The following MYLK3 variants were observed in gnomAD, a reference collection of about 807,000 sequenced individuals.
MYLK3 encodes myosin light chain kinase 3, also known as MLC kinase.
MYLK3 carries 55 observed loss-of-function variants against 76.3 expected under a neutral mutation model. That is an observed-to-expected ratio of 0.72 (90% CI 0.58 to 0.90). The LOEUF (loss-of-function observed/expected upper bound fraction) is 0.90, where lower values mean the gene tolerates loss of function less well. Among genes scored for constraint, MYLK3 ranks in the 40% least tolerant of loss-of-function variants. The pLI is 0.00. For missense variants in MYLK3, 973 were observed against 1,053.6 expected, an observed-to-expected ratio of 0.92 and a Z score of 1.06; for synonymous variants, 416 against 425.4, an observed-to-expected ratio of 0.98 and a Z score of 0.27.
Position 46,737,853 on chromosome 16 carries a change from C to T in MYLK3, c.859G>A (p.Gly287Arg), listed in dbSNP as rs773638541. Residue 287 changes from glycine to arginine, a missense_variant, in exon 3 of 13, where the codon GGA becomes AGA. Gly to Arg is a moderately radical substitution (Grantham distance 125). Coordinates refer to ENST00000394809, the MANE Select transcript of MYLK3 (RefSeq NM_182493.3). ...GGGTCAGGCCTGCTGGACGATGCTC[C>T]TTGTCCTGCACCTGGTGCAACCTCC... Reference protein sequence around the residue: ...SLEVAPGAGQGASSSRPDPEP... With the variant: ...SLEVAPGAGQRASSSRPDPEP... 1.5e-5 allele frequency: 25 copies of T among 1,614,064 alleles called. No homozygotes were observed. Among genetic ancestry groups the T allele is most frequent in the East Asian group, 2.2e-5 (1 of 44,880 alleles).
chr16:46,757,819 G>C (rs1435192088), intron 1 of MYLK3, among the ~76,000 whole-genome samples: 1 of 152,212 alleles, frequency 6.6e-6, no homozygotes, highest in Non-Finnish European at 1.5e-5. Flanking sequence ...CAAGGAGGGA[G>C]GAATGAAGGG....
chr16:46,763,029 C>A, intron 1 of MYLK3: 10 of 985,492 alleles, frequency 1.0e-5, no homozygotes, highest in Non-Finnish European at 1.2e-5. Flanking sequence ...TTTATCACTG[C>A]ACTTACATAC....
chr16:46,718,648 T>C (rs963818323), intron 9 of MYLK3, among the ~76,000 whole-genome samples: 1 of 152,122 alleles, frequency 6.6e-6, no homozygotes, highest in Admixed American at 6.5e-5. Context: ...GGCCATGAAA[T>C]AACAAAACTA....
chr16:46,732,141 C>A, intron 4 of MYLK3, 67 bp downstream of exon 4: 1 of 1,377,236 alleles, frequency 7.3e-7, no homozygotes, highest in South Asian at 1.4e-5. Context: ...GAAGACTCCC[C>A]AGGAGTAGGG....
intron 9 of MYLK3, among the ~76,000 whole-genome samples, chr16:46,715,793 C>T (rs1966731637): frequency 2.0e-5 from 3 of 152,132 alleles, no homozygotes; most frequent in Admixed American, 2.0e-4. Flanking sequence ...GAGCCATGTC[C>T]CTGCTGAAAA....
At chr16:46,712,180 C>T (rs1222207801) in intron 10 of MYLK3, among the ~76,000 whole-genome samples, 3 of 151,728 alleles carry the variant, frequency 2.0e-5, no homozygotes, top group Non-Finnish European at 2.9e-5. Flanking sequence ...TTGGTAGAGA[C>T]AGGGTCTCCC....
chr16:46,741,456 T>C (rs1966929120), intron 1 of MYLK3, among the ~76,000 whole-genome samples: 1 of 152,216 alleles, frequency 6.6e-6, no homozygotes, highest in Non-Finnish European at 1.5e-5. Context: ...CAAGCAAATA[T>C]TTCCAGATGG....
In MYLK3 at chr16:46,705,851, G is replaced by C. The variant is rs1966618782; in HGVS notation, c.*1853C>G. 1 of 151,860 alleles carries C rather than the reference G, an allele frequency of 6.6e-6. No individual in the cohort carries two copies. The highest frequency in any genetic ancestry group is 1.5e-5 in the Non-Finnish European group (1 of 68,048). The allele number at this position is 151,860 out of a possible 1,614,324, so 9.4% of individuals were successfully genotyped here. On this transcript the variant is annotated 3_prime_UTR_variant, in exon 13 of 13. Transcript: ENST00000394809. The stretch of plus-strand genomic sequence containing the variant: ...AAAATACAAAAATTAGCTGGGTGTA[G>C]TAGCGGGCACCTATGGTCCCAGGTA...
At position 46,748,178 on chromosome 16, in the gene MYLK3, T is replaced by A; in HGVS notation, c.16A>T (p.Lys6Ter). The change falls in exon 1 of 13, where the codon AAG (lysine) becomes TAG (stop). Residue 6 changes from lysine to a stop codon, truncating the protein, a stop_gained. Coordinates refer to ENST00000394809, the MANE Select transcript of MYLK3 (RefSeq NM_182493.3). LOFTEE classifies it high-confidence loss of function. This position sits in a 1 kb window ranked among gnomAD's most constrained non-coding sequence, Gnocchi z 4.3. ...AGCCCCCCATGCCCCAGACTCTCCTTGGAGGTTCCTGACATGCTGGTGCAG... is the reference window on the plus strand; with the variant it reads ...AGCCCCCCATGCCCCAGACTCTCCTAGGAGGTTCCTGACATGCTGGTGCAG... MSGTS[K>*]ESLGHGGLPG... The A allele has an allele frequency of 6.2e-7, 1 of 1,612,862 alleles. No homozygotes were observed. The highest frequency in any genetic ancestry group is 1.3e-5 in the African/African-American group (1 of 75,042).
chr16:46,745,988 T>G (rs1027087682), intron 1 of MYLK3, among the ~76,000 whole-genome samples: 1 of 151,956 alleles, frequency 6.6e-6, no homozygotes, highest in African/African-American at 2.4e-5. Context: ...CTCTACATGA[T>G]TTTTTTTACT....
intron 9 of MYLK3, among the ~76,000 whole-genome samples, chr16:46,720,199 C>T (rs1477702004): frequency 6.6e-6 from 1 of 152,040 alleles, no homozygotes; most frequent in African/African-American, 2.4e-5. Flanking sequence ...AAATAATATA[C>T]AATGTTTACT....
chr16:46,740,712 C>G (rs937192369), intron 1 of MYLK3, among the ~76,000 whole-genome samples: 2 of 151,588 alleles, frequency 1.3e-5, no homozygotes, highest in Admixed American at 1.3e-4. Context: ...CCAACATGCC[C>G]GGCTAATTTT....
chr16:46,748,456 C>G, upstream of MYLK3: 1 of 502,004 alleles, frequency 2.0e-6, no homozygotes, highest in East Asian at 3.3e-5. This position sits in a 1 kb window ranked among gnomAD's most constrained non-coding sequence, Gnocchi z 4.3. Context: ...TCCTTGGGGC[C>G]CCTTTGACAT....
intron 8 of MYLK3, chr16:46,726,723 AAGAAAGAAAGAAAAG>A (rs1966842857): frequency 6.7e-6 from 1 of 148,334 alleles, no homozygotes; most frequent in African/African-American, 2.5e-5. Context: ...GAAAGAAAGA[AAGAAAGAAAGAAAAG>A]AAAGAGAGAG....
At position 46,760,571 on chromosome 16, in the gene MYLK3, G is replaced by A. The variant is rs138031102; in HGVS notation, c.-114+2469C>T. ...ACAGTCGCTAACTGCAAGGTGCAGG[G>A]GACATGAGTGAGATGGGATGACTAT... On this transcript the variant is annotated intron_variant, in intron 1 of 11. Coordinates refer to the MYLK3 transcript ENST00000536476. Among the ~76,000 whole-genome samples, 300 of 152,250 alleles carry A rather than the reference G, an allele frequency of 2.0e-3. 1 individual carries two copies. The highest frequency in any genetic ancestry group is 7.0e-3 in the African/African-American group (289 of 41,538).
chr16:46,761,067 C>A (rs1050280503), intron 1 of MYLK3, among the ~76,000 whole-genome samples: 2 of 151,838 alleles, frequency 1.3e-5, no homozygotes, highest in African/African-American at 4.8e-5. Flanking sequence ...AAGAGGGAGG[C>A]AAAAAAATTA....
In MYLK3 at chr16:46,740,121, T is replaced by C. The variant is rs1406199735; in HGVS notation, c.504A>G (p.Gly168=). Residue 168 remains glycine, a synonymous_variant, in exon 2 of 13, where the codon GGA becomes GGG. Transcript: ENST00000394809. ...TGCTCAGCACATGCTTTGGTTTTCCTCCCTCTTCTTCCACTCGCTCTTTAT... is the reference window on the plus strand; with the variant it reads ...TGCTCAGCACATGCTTTGGTTTTCCCCCCTCTTCTTCCACTCGCTCTTTAT... The part of the protein sequence containing the change: ...EENKERVEEE[G]GKPKHVLSTS... The C allele has an allele frequency of 1.2e-6, 2 of 1,613,806 alleles. No homozygotes were observed. The highest frequency in any genetic ancestry group is 8.5e-7 in the Non-Finnish European group (1 of 1,179,816).
At chr16:46,736,869 T>A (rs969116800) in intron 3 of MYLK3, among the ~76,000 whole-genome samples, 1 of 152,044 alleles carries the variant, frequency 6.6e-6, no homozygotes, top group Non-Finnish European at 1.5e-5. Flanking sequence ...GACCGGGACG[T>A]GCTGGGGAGG....
At chr16:46,762,336 A>G (rs1163753574) in intron 1 of MYLK3, among the ~76,000 whole-genome samples, 5 of 152,224 alleles carry the variant, frequency 3.3e-5, no homozygotes, top group African/African-American at 4.8e-5. Flanking sequence ...TTTCTAATAA[A>G]AAATTAAGTG....
Sources: allele counts gnomAD v4.1 joint callset (sites outside exome capture counted in the v4.1 genomes callset), GRCh38; gene constraint gnomAD v4.1.1; non-coding constraint Gnocchi (gnomAD v3.1); transcripts MANE v1.5; gene names NCBI Gene and HGNC (gene_info 2026-07-23, HGNC 2026-07-21).